IKZF1: variants seen among roughly 807,000 people sequenced by gnomAD.
IKZF1 encodes the protein IKAROS family zinc finger 1.
A neutral mutation model predicts 51.7 loss-of-function variants in IKZF1; 10 were observed. The ratio of observed to expected loss-of-function variants is 0.19; its 90% CI spans 0.12 to 0.33. IKZF1 has a LOEUF of 0.33. Among genes scored for constraint, IKZF1 ranks in the 10% least tolerant of loss-of-function variants. IKZF1 has a pLI of 1.00. For missense variants in IKZF1, 484 were observed against 707.5 expected (o/e 0.68, Z 3.58); for synonymous variants, 280 against 282.3 (o/e 0.99, Z 0.08).
intron 3 of IKZF1, among the ~76,000 whole-genome samples, chr7:50,374,106 C>T (rs1001688701): frequency 1.3e-5 from 2 of 152,192 alleles, no homozygotes; most frequent in South Asian, 4.1e-4. Context: ...CCAAGTCCAC[C>T]ATGTCCCAGT....
chr7:50,397,930 C>G (rs1817141991), intron 7 of IKZF1, among the ~76,000 whole-genome samples: 1 of 152,078 alleles, frequency 6.6e-6, no homozygotes, highest in South Asian at 2.1e-4. Context: ...GGAAACCAGG[C>G]TATTATATGA....
intron 3 of IKZF1, among the ~76,000 whole-genome samples, chr7:50,375,237 A>G (rs1045682333): frequency 4.6e-5 from 7 of 152,200 alleles, no homozygotes; most frequent in African/African-American, 1.7e-4. Flanking sequence ...CCTGGTCAAC[A>G]TGACAAGACC....
At chr7:50,387,531 A>G in intron 6 of IKZF1, 61 bp downstream of exon 6, 1 of 1,538,262 alleles carries the variant, frequency 6.5e-7, no homozygotes. Context: ...GTGGGGAAGG[A>G]GGGCGCTCTG....
intron 3 of IKZF1, among the ~76,000 whole-genome samples, chr7:50,335,404 G>A (rs1444683183): frequency 1.4e-5 from 2 of 142,196 alleles, no homozygotes; most frequent in African/African-American, 5.2e-5. Flanking sequence ...GGGATGTGTG[G>A]TGTGTATGTG....
At chr7:50,338,556 C>A (rs980170145) in intron 3 of IKZF1, among the ~76,000 whole-genome samples, 1 of 152,180 alleles carries the variant, frequency 6.6e-6, no homozygotes, top group Admixed American at 6.5e-5. Context: ...TGCCACCTGT[C>A]CCCCTATCTG....
At chr7:50,312,399 A>G (rs1307204493) in intron 1 of IKZF1, among the ~76,000 whole-genome samples, 2 of 152,192 alleles carry the variant, frequency 1.3e-5, no homozygotes, top group Non-Finnish European at 2.9e-5. Flanking sequence ...AGACAATACA[A>G]TATGCCTGTA....
At chr7:50,335,844 G>A (rs1797644051) in intron 3 of IKZF1, among the ~76,000 whole-genome samples, 1 of 151,978 alleles carries the variant, frequency 6.6e-6, no homozygotes, top group Non-Finnish European at 1.5e-5. Context: ...AGCAGGCCAT[G>A]TGGGTAGGTA....
At chr7:50,339,094 C>A (rs952190452) in intron 3 of IKZF1, among the ~76,000 whole-genome samples, 38 of 152,234 alleles carry the variant, frequency 2.5e-4, no homozygotes, top group South Asian at 6.2e-4. Context: ...CGCTGCAAAT[C>A]AAGGCTTTTT....
chr7:50,340,215 C>T (rs1798755933), intron 3 of IKZF1, among the ~76,000 whole-genome samples: 1 of 152,242 alleles, frequency 6.6e-6, no homozygotes, highest in African/African-American at 2.4e-5. Context: ...CTTGCTGTAA[C>T]TCCATTAACT....
Position 50,401,439 on chromosome 7 carries a change from G to A in IKZF1, c.*812G>A. 4.4e-6 allele frequency: 1 copy of A among 225,884 alleles called. No homozygotes were observed. Among genetic ancestry groups the A allele is most frequent in the Non-Finnish European group, 8.8e-6 (1 of 113,294 alleles). The allele number at this position is 225,884 out of a possible 1,614,324, so 14.0% of individuals were successfully genotyped here. A position where few individuals can be genotyped will look rare whatever the true frequency, so the allele number is the denominator to read the frequency against. ...GCATATCTGGGGAGCCCTGTTCCCC[G>A]CTTTTTCACTCCCATACCTTTAATG... is the stretch of plus-strand genomic sequence containing the variant. On this transcript the variant is annotated 3_prime_UTR_variant, in exon 8 of 8. Coordinates refer to ENST00000331340, the MANE Select transcript of IKZF1 (RefSeq NM_006060.6).
chr7:50,372,846 G>A (rs2153462087), intron 3 of IKZF1, among the ~76,000 whole-genome samples: 1 of 152,328 alleles, frequency 6.6e-6, no homozygotes, highest in South Asian at 2.1e-4. Flanking sequence ...TCGACTAGGA[G>A]TTTGAAAACA....
Position 50,402,675 on chromosome 7 carries a change from G to T in IKZF1, c.*2048G>T. On this transcript the variant is annotated 3_prime_UTR_variant, in exon 8 of 8. Transcript: ENST00000331340. The stretch of plus-strand genomic sequence containing the variant: ...TTCTATAAATCAATTATTCCCCTTC[G>T]GTCTTAAAAATATATTTCCTCATAA... 4.5e-6 allele frequency: 1 copy of T among 220,432 alleles called. No individual in the cohort carries two copies. Among genetic ancestry groups the T allele is most frequent in the Non-Finnish European group, 9.0e-6 (1 of 111,224 alleles). The allele number at this position is 220,432 out of a possible 1,614,324, so 13.7% of individuals were successfully genotyped here. A position where few individuals can be genotyped will look rare whatever the true frequency, so the allele number is the denominator to read the frequency against.
intron 7 of IKZF1, among the ~76,000 whole-genome samples, chr7:50,392,716 G>A (rs759325820): frequency 3.7e-4 from 56 of 152,290 alleles, no homozygotes; most frequent in Non-Finnish European, 7.1e-4. Context: ...AACTCTGTCC[G>A]GAAAGAGGAC....
At chr7:50,360,737 C>T (rs1008845068) in intron 3 of IKZF1, among the ~76,000 whole-genome samples, 5 of 152,266 alleles carry the variant, frequency 3.3e-5, no homozygotes, top group Non-Finnish European at 5.9e-5. Context: ...TGCCGAGCTC[C>T]GCAGCCCCAT....
chr7:50,353,672 C>T (rs1470754365), intron 3 of IKZF1, among the ~76,000 whole-genome samples: 2 of 152,254 alleles, frequency 1.3e-5, no homozygotes, highest in Admixed American at 1.3e-4. Flanking sequence ...GCCACTTTTG[C>T]TCCAGGAAGA....
intron 1 of IKZF1, among the ~76,000 whole-genome samples, chr7:50,313,983 C>T (rs1486450016): frequency 1.3e-5 from 2 of 152,194 alleles, no homozygotes; most frequent in Non-Finnish European, 1.5e-5. Context: ...TAAAAATACT[C>T]AGTACATATG....
At chr7:50,312,061 A>G (rs1790310197) in intron 1 of IKZF1, among the ~76,000 whole-genome samples, 1 of 152,122 alleles carries the variant, frequency 6.6e-6, no homozygotes. Flanking sequence ...ATTGCACTTC[A>G]TATTGCTGCA....
intron 3 of IKZF1, among the ~76,000 whole-genome samples, chr7:50,370,687 T>C (rs1370690241): frequency 6.6e-6 from 1 of 152,240 alleles, no homozygotes; most frequent in Non-Finnish European, 1.5e-5. Context: ...AAAATTGGGC[T>C]CTTGTCCATT....
At chr7:50,365,140 G>C (rs1447655044) in intron 3 of IKZF1, among the ~76,000 whole-genome samples, 1 of 152,150 alleles carries the variant, frequency 6.6e-6, no homozygotes, top group Non-Finnish European at 1.5e-5. Context: ...CATCCACAGA[G>C]CTCCCAGTGA....
Sources: allele counts gnomAD v4.1 joint callset (sites outside exome capture counted in the v4.1 genomes callset), GRCh38; gene constraint gnomAD v4.1.1; transcripts MANE v1.5; gene names NCBI Gene and HGNC (gene_info 2026-07-23, HGNC 2026-07-21).